Variants in REELD1 observed in about 807,000 individuals in gnomAD.
REELD1 encodes the protein reeler domain containing 1.
Under a neutral mutation model 6.3 loss-of-function variants are expected in REELD1, and 12 were observed. The ratio of observed to expected loss-of-function variants is 1.89; its 90% CI spans 1.21 to 3.07. The LOEUF (loss-of-function observed/expected upper bound fraction) is 3.07. Among genes scored for constraint, REELD1 ranks in the 30% most tolerant of loss-of-function variants. The probability of loss-of-function intolerance (pLI) is 0.00; values close to 1 mark genes in which losing one functional copy is unlikely to be tolerated. For synonymous variants in REELD1, 57 were observed against 33.6 expected, an observed-to-expected ratio of 1.70 and a Z score of -2.42; for missense variants, 163 against 86.8, an observed-to-expected ratio of 1.88 and a Z score of -3.49.
intron 3 of REELD1, among the ~76,000 whole-genome samples, chr4:146,218,551 C>T (rs537243722): frequency 6.8e-4 from 103 of 152,276 alleles, no homozygotes; most frequent in Non-Finnish European, 1.2e-3. Flanking sequence ...CCATTCATTT[C>T]GCTCTCTTGA....
chr4:146,227,131 C>G (rs1469209645), intron 5 of REELD1, among the ~76,000 whole-genome samples: 2 of 152,156 alleles, frequency 1.3e-5, no homozygotes, highest in East Asian at 3.8e-4. Context: ...TTCAGGGACA[C>G]CAATTACAAG....
intron 2 of REELD1, among the ~76,000 whole-genome samples, chr4:146,216,284 G>C (rs973013292): frequency 6.6e-6 from 1 of 152,126 alleles, no homozygotes; most frequent in Non-Finnish European, 1.5e-5. Flanking sequence ...ATTGTTATCA[G>C]TATGTTTAAG....
intron 3 of REELD1, among the ~76,000 whole-genome samples, chr4:146,218,275 G>A (rs1037479807): frequency 2.0e-5 from 3 of 151,722 alleles, no homozygotes; most frequent in African/African-American, 4.8e-5. Flanking sequence ...TCCATGCCCC[G>A]CCCCCACTCC....
chr4:146,215,650 C>CTTTTTT (rs1465971692), intron 2 of REELD1, among the ~76,000 whole-genome samples: 5 of 78,522 alleles, frequency 6.4e-5, no homozygotes, highest in African/African-American at 2.7e-4. Flanking sequence ...CAGGGGAGGG[C>CTTTTTT]ATTTTTTTTT....
chr4:146,224,900 C>T (rs575052088), intron 5 of REELD1, among the ~76,000 whole-genome samples: 1 of 152,338 alleles, frequency 6.6e-6, no homozygotes, highest in Admixed American at 6.5e-5. Context: ...TACCAAAAAA[C>T]AGCATACACC....
chr4:146,226,366 A>G (rs977837024), intron 5 of REELD1, among the ~76,000 whole-genome samples: 1 of 152,190 alleles, frequency 6.6e-6, no homozygotes, highest in Non-Finnish European at 1.5e-5. Flanking sequence ...ACTTCTTGGT[A>G]GGCAAGTATC....
intron 7 of REELD1, among the ~76,000 whole-genome samples, 186 bp from the exon 8 acceptor site, chr4:146,229,719 A>C (rs1731090800): frequency 6.6e-6 from 1 of 151,944 alleles, no homozygotes; most frequent in Non-Finnish European, 1.5e-5. Context: ...CCCCATCCCC[A>C]TCAATAACAA....
chr4:146,229,038 C>G lies in REELD1; in HGVS notation c.922C>G (p.Pro308Ala). Reference protein sequence around the residue: ...LSTHHRTQDDPSFDSLETCLS... With the variant: ...LSTHHRTQDDASFDSLETCLS... ...TCTTCCCTTTAGAACTCAGGATGATCCCAGCTTTGATTCACTGGAAACTTG... is the reference window on the plus strand; with the variant it reads ...TCTTCCCTTTAGAACTCAGGATGATGCCAGCTTTGATTCACTGGAAACTTG... The change falls in exon 7 of 8, where the codon CCC becomes GCC. Residue 308 changes from proline (P) to alanine (A), a missense_variant. Coordinates refer to ENST00000623665, the MANE Select transcript of REELD1 (RefSeq NM_001354631.1). 1 of 702,356 alleles carries G rather than the reference C, an allele frequency of 1.4e-6. No individual in the cohort carries two copies. The highest frequency in any genetic ancestry group is 2.6e-6 in the Non-Finnish European group (1 of 384,902). 43.5% of individuals were successfully genotyped at this position (702,356 alleles called of 1,614,324 possible). A position where few individuals can be genotyped will look rare whatever the true frequency, so the allele number is the denominator to read the frequency against.
At position 146,228,633 on chromosome 4, in the gene REELD1, G is replaced by C. The variant is rs985468790; in HGVS notation, c.908+111G>C. 4 of 602,674 alleles carry C rather than the reference G, an allele frequency of 6.6e-6. No homozygotes were observed. The Admixed American group carries it at 1.2e-4, about 18-fold the overall frequency. 37.3% of individuals were successfully genotyped at this position (602,674 alleles called of 1,614,324 possible). On this transcript the variant is annotated intron_variant, in intron 6 of 7. Transcript: ENST00000623665. Reference sequence around the variant, plus strand: ...ATCTCAGCCATATTTTTTCTTAAGTGTGTGAAAAACCCAGGATGTAGCAGG... The same window carrying C: ...ATCTCAGCCATATTTTTTCTTAAGTCTGTGAAAAACCCAGGATGTAGCAGG...
intron 5 of REELD1, among the ~76,000 whole-genome samples, chr4:146,226,527 C>G (rs1018973005): frequency 6.6e-6 from 1 of 152,172 alleles, no homozygotes; most frequent in African/African-American, 2.4e-5. Flanking sequence ...ATCTGTGCCT[C>G]AACAATGGTG....
rs760055544 is a variant in REELD1 at position 146,232,218 on chromosome 4, C to A, written c.*1705C>A. The A allele has an allele frequency of 7.9e-5, 12 of 152,198 alleles. No individual in the cohort carries two copies. Among genetic ancestry groups the A allele is most frequent in the Admixed American group, 7.2e-4 (11 of 15,284 alleles). 9.4% of individuals were successfully genotyped at this position (152,198 alleles called of 1,614,324 possible). On this transcript the variant is annotated 3_prime_UTR_variant, in exon 8 of 8. Transcript: ENST00000623665. ...TGTTTTGCTTGTCTATTGATGTGAA[C>A]AAATTACCTCTAGGCTTAGTAGTTG...
Position 146,228,372 on chromosome 4 carries a change from C to T in REELD1, c.758C>T (p.Thr253Ile). The T allele has an allele frequency of 1.4e-6, 1 of 702,580 alleles. No homozygotes were observed. The highest frequency in any genetic ancestry group is 2.7e-5 in the East Asian group (1 of 37,282). The allele number at this position is 702,580 out of a possible 1,614,324, so 43.5% of individuals were successfully genotyped here. The change falls in exon 6 of 8, where the codon ACA becomes ATA. Residue 253 changes from threonine (T) to isoleucine (I), a missense_variant. Physicochemically the swap from Thr to Ile is moderately conservative, Grantham distance 89. Coordinates refer to ENST00000623665, the MANE Select transcript of REELD1 (RefSeq NM_001354631.1). ...AETLSQPSSH[T>I]ATEGSINQQP... is the part of the protein sequence containing the mutation. ...ACTCTGTCCCAACCATCTTCACACA[C>T]AGCCACTGAAGGCAGCATCAACCAG...
At position 146,224,458 on chromosome 4, in the gene REELD1, C is replaced by G. The variant is rs191433329; in HGVS notation, c.445C>G (p.Gln149Glu). 50 of 646,800 alleles carry G rather than the reference C, an allele frequency of 7.7e-5. No homozygotes were observed. The African/African-American group carries it at 8.4e-4, about 11-fold the overall frequency. 40.1% of individuals were successfully genotyped at this position (646,800 alleles called of 1,614,324 possible). A position where few individuals can be genotyped will look rare whatever the true frequency, so the allele number is the denominator to read the frequency against. Reference sequence around the variant, plus strand: ...CTCTTTCCCCAGTTTATCAGTAGTCCAGTCATATTTTGTTTACTGGGCAAG... The same window carrying G: ...CTCTTTCCCCAGTTTATCAGTAGTCGAGTCATATTTTGTTTACTGGGCAAG... ...GDIKFLLSVV[Q>E]SYFVYWARIE... The change falls in exon 5 of 8, where the codon CAG becomes GAG. Residue 149 changes from glutamine to glutamate, a missense_variant. Transcript: ENST00000623665.
chr4:146,226,450 C>A (rs1226971608), intron 5 of REELD1, among the ~76,000 whole-genome samples: 1 of 152,186 alleles, frequency 6.6e-6, no homozygotes, highest in Admixed American at 6.5e-5. Flanking sequence ...GTATTGCCTA[C>A]ATTCTGGAGG....
chr4:146,227,009 G>A (rs773975249), intron 5 of REELD1, among the ~76,000 whole-genome samples: 3 of 152,210 alleles, frequency 2.0e-5, no homozygotes, highest in Non-Finnish European at 4.4e-5. Flanking sequence ...CTGACCTTAG[G>A]TGATCTACTT....
chr4:146,215,875 C>T (rs574333387), intron 2 of REELD1, among the ~76,000 whole-genome samples: 4 of 151,988 alleles, frequency 2.6e-5, no homozygotes, highest in Non-Finnish European at 4.4e-5. Context: ...CTCAGCCTCC[C>T]GAGTAGCTGG....
intron 3 of REELD1, among the ~76,000 whole-genome samples, chr4:146,221,213 C>A (rs1474284986): frequency 1.3e-5 from 2 of 152,202 alleles, no homozygotes; most frequent in African/African-American, 2.4e-5. Flanking sequence ...TCCCTATGCC[C>A]AGACCCAGAT....
At chr4:146,215,460 A>G (rs1284583937) in intron 2 of REELD1, among the ~76,000 whole-genome samples, 1 of 152,204 alleles carries the variant, frequency 6.6e-6, no homozygotes, top group Non-Finnish European at 1.5e-5. Flanking sequence ...TGAGGTATAG[A>G]TCATATTCCT....
rs1397637048 is a variant in REELD1, at chr4:146,228,320, G to A, written c.706G>A (p.Val236Met). The A allele has an allele frequency of 7.1e-6, 5 of 702,484 alleles. No individual in the cohort carries two copies. The highest frequency in any genetic ancestry group is 2.0e-5 in the Admixed American group (1 of 49,992). 43.5% of individuals were successfully genotyped at this position (702,484 alleles called of 1,614,324 possible). ...AGATCCTGTTCCTGCCAGTATTTGG[G>A]TGACAAAGTTTCCTGGGGATGCAGA... ...NLDPVPASIWVTKFPGDAETL... is the reference protein window; with the variant it reads ...NLDPVPASIWMTKFPGDAETL... Residue 236 changes from valine (V) to methionine (M), a missense_variant, in exon 6 of 8, where the codon GTG (valine) becomes ATG (methionine). Physicochemically the swap from Val to Met is conservative, Grantham distance 21. Coordinates refer to ENST00000623665, the MANE Select transcript of REELD1 (RefSeq NM_001354631.1).
Sources: allele counts gnomAD v4.1 joint callset (sites outside exome capture counted in the v4.1 genomes callset), GRCh38; gene constraint gnomAD v4.1.1; transcripts MANE v1.5; gene names NCBI Gene and HGNC (gene_info 2026-07-23, HGNC 2026-07-21).